CLIC5: variants seen among roughly 807,000 people sequenced by gnomAD.
The protein encoded by CLIC5 is CLIC family member 5.
In CLIC5, 20 loss-of-function variants were observed where a neutral mutation model predicts 24.7. The observed-to-expected ratio is 0.81, with a 90% CI of 0.57 to 1.18. CLIC5 has a LOEUF of 1.18. Ranked by LOEUF, CLIC5 falls within the 50% of genes most tolerant of loss-of-function variation. CLIC5 has a pLI of 0.00. For synonymous variants in CLIC5, 159 were observed against 135.6 expected (o/e 1.17, Z -1.20); for missense variants, 341 against 326.1 (o/e 1.05, Z -0.35).
chr6:45,984,073 A>AAAGAGTC (rs1358669134), intron 1 of CLIC5, among the ~76,000 whole-genome samples: 1 of 152,190 alleles, frequency 6.6e-6, no homozygotes, highest in Non-Finnish European at 1.5e-5. Context: ...CCCTTCAAGA[A>AAAGAGTC]AAGAGTCAAA....
chr6:45,967,325 C>T (rs946979147), intron 1 of CLIC5, among the ~76,000 whole-genome samples: 2 of 152,180 alleles, frequency 1.3e-5, no homozygotes, highest in Admixed American at 6.5e-5. Context: ...TCTTGAGAAG[C>T]TATCACACAA....
chr6:46,113,108 A>T, the CLIC5 span, among the ~76,000 whole-genome samples: 1 of 152,114 alleles, frequency 6.6e-6, no homozygotes, highest in Non-Finnish European at 1.5e-5. Context: ...AGGATGATGT[A>T]TATGAGATTG....
At chr6:45,916,926 GT>G (rs1383887580) in intron 4 of CLIC5, among the ~76,000 whole-genome samples, 5 of 152,288 alleles carry the variant, frequency 3.3e-5, no homozygotes, top group African/African-American at 1.2e-4. Flanking sequence ...AACAGCCGTG[GT>G]AGAGGAAGAG....
intron 5 of CLIC5, among the ~76,000 whole-genome samples, chr6:45,910,748 G>T (rs1762793738): frequency 6.6e-6 from 1 of 152,090 alleles, no homozygotes; most frequent in African/African-American, 2.4e-5. Context: ...TTGTGATGCT[G>T]GGGCTAGGAC....
chr6:46,119,479 A>C, the CLIC5 span, among the ~76,000 whole-genome samples: 8 of 152,246 alleles, frequency 5.3e-5, no homozygotes, highest in Non-Finnish European at 1.2e-4. Flanking sequence ...AAATAGGAAC[A>C]GCTCCAGTCT....
the CLIC5 span, among the ~76,000 whole-genome samples, chr6:46,110,194 T>C: frequency 1.3e-5 from 2 of 152,246 alleles, no homozygotes. Context: ...CCTGACCTTT[T>C]GTCCTCCACA....
At chr6:45,926,738 T>C (rs916371503) in intron 4 of CLIC5, among the ~76,000 whole-genome samples, 1 of 152,188 alleles carries the variant, frequency 6.6e-6, no homozygotes, top group Non-Finnish European at 1.5e-5. Flanking sequence ...TTCCCTTGAA[T>C]GTGGTTATAA....
chr6:46,104,550 G>C, the CLIC5 span, among the ~76,000 whole-genome samples: 1 of 151,450 alleles, frequency 6.6e-6, no homozygotes, highest in African/African-American at 2.4e-5. Flanking sequence ...TGGGGGAGGG[G>C]GATTTGGGGG....
At chr6:46,090,325 T>C in the CLIC5 span, among the ~76,000 whole-genome samples, 1 of 152,040 alleles carries the variant, frequency 6.6e-6, no homozygotes, top group Non-Finnish European at 1.5e-5. Flanking sequence ...TGCTTTCGGC[T>C]CCGACCCCAA....
At chr6:45,963,239 T>C (rs1200326232) in intron 1 of CLIC5, among the ~76,000 whole-genome samples, 2 of 152,150 alleles carry the variant, frequency 1.3e-5, no homozygotes, top group Non-Finnish European at 2.9e-5. Context: ...AAACTTTTGA[T>C]TATCCTTTCT....
intron 4 of CLIC5, among the ~76,000 whole-genome samples, chr6:45,925,434 AGCCTCCCAAGT>A (rs1763444608): frequency 6.6e-6 from 1 of 151,342 alleles, no homozygotes; most frequent in African/African-American, 2.4e-5. Flanking sequence ...CTTCTGCCTC[AGCCTCCCAAGT>A]AGCTGGGACT....
upstream of CLIC5, among the ~76,000 whole-genome samples, chr6:46,017,596 A>G (rs138031645): frequency 4.2e-4 from 64 of 152,350 alleles, 1 homozygote; most frequent in East Asian, 0.011. Flanking sequence ...TGAGGAAACA[A>G]AGGCATGGTT....
At chr6:45,958,443 T>TACACACACACACACAC (rs1283521914) in intron 1 of CLIC5, among the ~76,000 whole-genome samples, 3,229 of 55,620 alleles carry the variant, frequency 0.058, 430 homozygotes, top group African/African-American at 0.17. Flanking sequence ...TATATATATA[T>TACACACACACACACAC]ATATATATAT....
At chr6:45,951,098 C>T (rs1382651086) in intron 2 of CLIC5, among the ~76,000 whole-genome samples, 1 of 152,136 alleles carries the variant, frequency 6.6e-6, no homozygotes, top group South Asian at 2.1e-4. Context: ...CCAGTAGGAT[C>T]TTTTAGGTAA....
At chr6:45,983,393 A>G (rs1581824179) in intron 1 of CLIC5, among the ~76,000 whole-genome samples, 1 of 152,216 alleles carries the variant, frequency 6.6e-6, no homozygotes, top group African/African-American at 2.4e-5. Flanking sequence ...GGTTTGGGTA[A>G]GTGATGTCAA....
the CLIC5 span, among the ~76,000 whole-genome samples, chr6:46,122,082 A>C: frequency 6.6e-6 from 1 of 152,216 alleles, no homozygotes. Flanking sequence ...AAGCAGGCCT[A>C]ATAGACATCT....
At chr6:46,033,631 G>C (rs1767574075) in intron 1 of CLIC5, among the ~76,000 whole-genome samples, 1 of 152,190 alleles carries the variant, frequency 6.6e-6, no homozygotes. Context: ...CTCATTCTGA[G>C]AGCTTCACAG....
chr6:45,886,090 A>G (rs531905896), intron 6 of CLIC5, among the ~76,000 whole-genome samples: 34 of 152,328 alleles, frequency 2.2e-4, no homozygotes, highest in African/African-American at 7.7e-4. Flanking sequence ...TTCTAAGGTT[A>G]CCAGAAGGAG....
chr6:45,888,880 C>T (rs1762326907), intron 6 of CLIC5, among the ~76,000 whole-genome samples: 1 of 152,134 alleles, frequency 6.6e-6, no homozygotes, highest in Admixed American at 6.5e-5. Context: ...GGTAGCATGA[C>T]ATCTATTTAT....
Sources: gnomAD v4.1 joint callset for allele counts (sites outside exome capture counted in the v4.1 genomes callset) on GRCh38, gnomAD v4.1.1 for gene constraint, MANE v1.5 for transcripts, NCBI Gene and HGNC (gene_info 2026-07-23, HGNC 2026-07-21) for gene names.